Variants in LPA observed in about 807,000 individuals in gnomAD.
LPA encodes lipoprotein(a).
In LPA, 199 loss-of-function variants were observed where a neutral mutation model predicts 197.9. The ratio of observed to expected loss-of-function variants is 1.01; its 90% confidence interval spans 0.90 to 1.13. LPA has a LOEUF of 1.13. Ranked by LOEUF, LPA falls within the 50% of genes most tolerant of loss-of-function variation. The probability of loss-of-function intolerance (pLI) is 0.00; values close to 1 mark genes in which losing one functional copy is unlikely to be tolerated. For missense variants in LPA, 1,853 were observed against 1,785.8 expected (o/e 1.04, Z -0.68); for synonymous variants, 715 against 639.5 (o/e 1.12, Z -1.78).
intron 18 of LPA, among the ~76,000 whole-genome samples, chr6:160,603,259 T>TGTGC (rs952043659): frequency 2.6e-5 from 4 of 151,430 alleles, no homozygotes; most frequent in African/African-American, 9.7e-5. Context: ...TGTGTGTGTG[T>TGTGC]GCGTGCATGT....
chr6:160,544,934 C>T (rs1778041311), intron 33 of LPA, among the ~76,000 whole-genome samples: 1 of 152,146 alleles, frequency 6.6e-6, no homozygotes, highest in Admixed American at 6.5e-5. Context: ...GAGTAGTAAT[C>T]TTACGAGAAA....
chr6:160,553,937 C>CTG (rs59853609), intron 30 of LPA, among the ~76,000 whole-genome samples: 165 of 139,134 alleles, frequency 1.2e-3, no homozygotes, highest in East Asian at 0.01. Flanking sequence ...CTCTCTCTCT[C>CTG]TGTGTGTGTG....
At position 160,611,568 on chromosome 6, in the gene LPA, G is replaced by C; in HGVS notation, c.2597C>G (p.Pro866Arg). The change falls in exon 16 of 39, where the codon CCA becomes CGA. Residue 866 changes from proline to arginine, a missense_variant. By Grantham distance (103) the Pro-to-Arg change is moderately radical (BLOSUM62 -2). Coordinates refer to ENST00000316300, the MANE Select transcript of LPA (RefSeq NM_005577.4). ...GTAAAGAACAAAGACATACGCATTT[G>C]GGTAGTATTCTGGGGTCCGACTATG... ...HSHSRTPEYY[P>R]NAGLIMNYCR... 2 of 1,606,274 alleles carry C rather than the reference G, an allele frequency of 1.2e-6. No individual in the cohort carries two copies. Among genetic ancestry groups the C allele is most frequent in the Non-Finnish European group, 1.7e-6 (2 of 1,179,032 alleles).
rs1482587607 is a variant in LPA at position 160,545,685 on chromosome 6, A to T, written c.5305-152T>A. The T allele has an allele frequency of 4.6e-6, 3 of 649,364 alleles. No homozygotes were observed. In the African/African-American group the frequency reaches 5.5e-5, roughly 12 times the overall value. The allele number at this position is 649,364 out of a possible 1,614,324, so 40.2% of individuals were successfully genotyped here. A position where few individuals can be genotyped will look rare whatever the true frequency, so the allele number is the denominator to read the frequency against. On this transcript the variant is annotated intron_variant, in intron 32 of 38. Coordinates refer to ENST00000316300, the MANE Select transcript of LPA (RefSeq NM_005577.4). Reference sequence around the variant, plus strand: ...CATTATTATATTTTTTGACAAAGTTATTTCTTTCTATGCTGTAAGCCATCA... The same window carrying T: ...CATTATTATATTTTTTGACAAAGTTTTTTCTTTCTATGCTGTAAGCCATCA...
In LPA at chr6:160,611,545, A is replaced by G. The variant is rs1352004813; in HGVS notation, c.2603+17T>C. 3 of 1,606,948 alleles carry G rather than the reference A, an allele frequency of 1.9e-6. No individual in the cohort carries two copies. Among genetic ancestry groups the G allele is most frequent in the Non-Finnish European group, 1.7e-6 (2 of 1,178,994 alleles). On this transcript the variant is annotated intron_variant, in intron 16 of 38. Coordinates refer to ENST00000316300, the MANE Select transcript of LPA (RefSeq NM_005577.4). ...AGTTGGCCCTTTATTCTCTTATGGTAAAGAACAAAGACATACGCATTTGGG... is the reference window on the plus strand; with the variant it reads ...AGTTGGCCCTTTATTCTCTTATGGTGAAGAACAAAGACATACGCATTTGGG...
intron 1 of LPA, among the ~76,000 whole-genome samples, chr6:160,654,676 C>CAA (rs1189520630): frequency 2.0e-5 from 3 of 152,024 alleles, no homozygotes; most frequent in African/African-American, 7.3e-5. Context: ...ATAAGGTTAA[C>CAA]AATATTTAAA....
intron 28 of LPA, among the ~76,000 whole-genome samples, chr6:160,562,860 T>G (rs1288876752): frequency 6.6e-6 from 1 of 152,166 alleles, no homozygotes; most frequent in Non-Finnish European, 1.5e-5. Flanking sequence ...TGCATAGAGG[T>G]GTTTAAAGTA....
Position 160,531,646 on chromosome 6 carries a change from T to C in LPA, c.*83A>G. On this transcript the variant is annotated 3_prime_UTR_variant, in exon 39 of 39. Coordinates refer to ENST00000316300, the MANE Select transcript of LPA (RefSeq NM_005577.4). ...GGGAACAGTGTCTTCGTTTGATTGC[T>C]GTCTATTATTTCCAGCATGCTAAAT... 1.3e-6 allele frequency: 2 copies of C among 1,556,290 alleles called. No individual in the cohort carries two copies. The highest frequency in any genetic ancestry group is 1.8e-6 in the Non-Finnish European group (2 of 1,128,256).
chr6:160,565,960 G>C (rs1203692249), intron 28 of LPA, among the ~76,000 whole-genome samples: 3 of 152,122 alleles, frequency 2.0e-5, no homozygotes, highest in Non-Finnish European at 4.4e-5. Flanking sequence ...GAAATGAAGC[G>C]AGAAGAGAAG....
At chr6:160,544,616 C>G (rs41265922) in intron 33 of LPA, among the ~76,000 whole-genome samples, 3,131 of 152,232 alleles carry the variant, frequency 0.021, 108 homozygotes, top group African/African-American at 0.071. Flanking sequence ...TGGAGGCCAA[C>G]CTTCTTCCCC....
In LPA at chr6:160,663,321, A is replaced by AT. The variant is rs1780256674; in HGVS notation, c.49+844dup. Among the ~76,000 whole-genome samples the AT allele has an allele frequency of 7.2e-5, 11 of 152,192 alleles. No individual in the cohort carries two copies. In the South Asian group the frequency reaches 1.7e-3, roughly 23 times the overall value. Reference sequence around the variant, plus strand: ...GATGAAAAAGTGAGAAGAGCCCTAGATTTTTTCTTGGAAATCTGGCTTAAA... The same window carrying AT: ...GATGAAAAAGTGAGAAGAGCCCTAGATTTTTTTCTTGGAAATCTGGCTTAAA... On this transcript the variant is annotated intron_variant, in intron 1 of 38. Coordinates refer to ENST00000316300, the MANE Select transcript of LPA (RefSeq NM_005577.4).
intron 28 of LPA, among the ~76,000 whole-genome samples, chr6:160,563,036 T>A (rs1583580584): frequency 6.6e-6 from 1 of 152,070 alleles, no homozygotes; most frequent in Admixed American, 6.6e-5. Flanking sequence ...ATTTATTAAT[T>A]TTTTAAAGGG....
chr6:160,601,946 G>C (rs1189668952), intron 18 of LPA, among the ~76,000 whole-genome samples: 1 of 152,168 alleles, frequency 6.6e-6, no homozygotes, highest in Non-Finnish European at 1.5e-5. Flanking sequence ...GAAGAGGTCG[G>C]GCAGCTATGG....
chr6:160,647,319 C>A (rs377440206), intron 2 of LPA, among the ~76,000 whole-genome samples: 4 of 152,186 alleles, frequency 2.6e-5, no homozygotes, highest in African/African-American at 4.8e-5. Context: ...GATCTTGAAG[C>A]ATTCGCTCTT....
At position 160,550,220 on chromosome 6, in the gene LPA, GAA is replaced by G. The variant is rs35220367; in HGVS notation, c.4974-1563_4974-1562del. ...TGGCGACAGAGCGAGACTCTGTCAA[GAA>G]AAAAAAAAAAAAAAGCACAGCCGGT... On this transcript the variant is annotated intron_variant, in intron 30 of 38. Coordinates refer to ENST00000316300, the MANE Select transcript of LPA (RefSeq NM_005577.4). Among the ~76,000 whole-genome samples, 604 of 137,886 alleles carry G rather than the reference GAA, an allele frequency of 4.4e-3. 5 individuals are homozygous for G. Among genetic ancestry groups the G allele is most frequent in the Middle Eastern group, 7.9e-3 (2 of 252 alleles). 90.5% of individuals were successfully genotyped at this position (137,886 alleles called of 152,430 possible). A position where few individuals can be genotyped will look rare whatever the true frequency, so the allele number is the denominator to read the frequency against.
intron 18 of LPA, 54 bp from the exon 19 acceptor site, chr6:160,601,152 A>C: frequency 6.6e-7 from 1 of 1,519,492 alleles, no homozygotes; most frequent in Non-Finnish European, 9.1e-7. Context: ...ATGCAGGAAC[A>C]CTGTATATTT....
At chr6:160,655,328 A>G (rs574053832) in intron 1 of LPA, among the ~76,000 whole-genome samples, 192 of 152,336 alleles carry the variant, frequency 1.3e-3, no homozygotes, top group African/African-American at 4.4e-3. Context: ...GGGGCCTGCC[A>G]AAGGCTCCAA....
intron 28 of LPA, among the ~76,000 whole-genome samples, chr6:160,559,790 T>C (rs1228555371): frequency 6.6e-6 from 1 of 152,248 alleles, no homozygotes; most frequent in Non-Finnish European, 1.5e-5. Flanking sequence ...TCTGCAGTTC[T>C]GTATCTTATT....
intron 30 of LPA, among the ~76,000 whole-genome samples, chr6:160,550,945 G>A (rs557111737): frequency 6.6e-6 from 1 of 152,194 alleles, no homozygotes; most frequent in African/African-American, 2.4e-5. Flanking sequence ...CTTATTGATT[G>A]ACATTGAAAT....
Sources: gnomAD v4.1 joint callset for allele counts (sites outside exome capture counted in the v4.1 genomes callset) on GRCh38, gnomAD v4.1.1 for gene constraint, MANE v1.5 for transcripts, NCBI Gene and HGNC (gene_info 2026-07-23, HGNC 2026-07-21) for gene names.